Variants in FBXL18 observed in about 807,000 individuals in gnomAD.
FBXL18 encodes the protein F-box and leucine rich repeat protein 18.
A neutral mutation model predicts 46.0 loss-of-function variants in FBXL18; 36 were observed. That is an observed-to-expected ratio of 0.78 (90% confidence interval 0.60 to 1.03). The LOEUF is 1.03. Ranked by LOEUF, FBXL18 falls within the 50% of genes least tolerant of loss-of-function variation. FBXL18 has a pLI of 0.00. For synonymous variants in FBXL18, 557 were observed against 465.3 expected, an observed-to-expected ratio of 1.20 and a Z score of -2.54; for missense variants, 977 against 1,004.1, an observed-to-expected ratio of 0.97 and a Z score of 0.36.
intron 1 of FBXL18, among the ~76,000 whole-genome samples, chr7:5,511,867 C>T (rs1291120026): frequency 2.6e-5 from 4 of 152,072 alleles, no homozygotes; most frequent in Admixed American, 6.6e-5. Context: ...CACCTGTAAT[C>T]CCAGCAATTT....
chr7:5,491,093 G>T, intron 4 of FBXL18, 138 bp downstream of exon 4: 1 of 775,772 alleles, frequency 1.3e-6, no homozygotes, highest in Non-Finnish European at 2.1e-6. Flanking sequence ...CAAACCCCTT[G>T]CTTTCACCCT....
intron 4 of FBXL18, among the ~76,000 whole-genome samples, chr7:5,488,887 A>G (rs1462385252): frequency 6.6e-6 from 1 of 152,166 alleles, no homozygotes; most frequent in African/African-American, 2.4e-5. Flanking sequence ...CCTGTTCCCA[A>G]GCCCACTCGA....
intron 4 of FBXL18, among the ~76,000 whole-genome samples, chr7:5,456,658 A>C (rs892916376): frequency 1.3e-5 from 2 of 148,878 alleles, no homozygotes; most frequent in African/African-American, 4.9e-5. Flanking sequence ...AAAAAAAGGC[A>C]TGGAAAGGAG....
At position 5,461,915 on chromosome 7, in the gene FBXL18, TG is replaced by T. The variant is rs1783253410; in HGVS notation, c.2001-14073del. Among the ~76,000 whole-genome samples, 3 of 152,070 alleles carry T rather than the reference TG, an allele frequency of 2.0e-5. No individual in the cohort carries two copies. The South Asian group carries it at 6.2e-4, about 32-fold the overall frequency. On this transcript the variant is annotated intron_variant and NMD_transcript_variant, in intron 4 of 6. Transcript: ENST00000415009. ...GAGATCATGCCACTGCACTCCAGCC[TG>T]GGAGACAGTGCAAGACTCCGTCTCA...
At position 5,477,097 on chromosome 7, in the gene FBXL18, C is replaced by G. The variant is rs1369645962; in HGVS notation, c.*4678G>C. On this transcript the variant is annotated 3_prime_UTR_variant, in exon 5 of 5. Transcript: ENST00000382368. This position sits in a 1 kb window ranked among gnomAD's most constrained non-coding sequence, Gnocchi z 4.4. ...AGAGACGGGGTTTCACTGTGTTAGC[C>G]AGGACGGTCTCGATCTCCTGACCTC... is the stretch of plus-strand genomic sequence containing the variant. The G allele has an allele frequency of 6.6e-6, 1 of 151,890 alleles. No homozygotes were observed. Among genetic ancestry groups the G allele is most frequent in the Non-Finnish European group, 1.5e-5 (1 of 68,074 alleles). 9.4% of individuals were successfully genotyped at this position (151,890 alleles called of 1,614,324 possible).
In FBXL18 at chr7:5,481,891, G is replaced by C; in HGVS notation, c.2041C>G (p.Pro681Ala). The C allele has an allele frequency of 3.7e-6, 6 of 1,613,168 alleles. No homozygotes were observed. Among genetic ancestry groups the C allele is most frequent in the Non-Finnish European group, 5.1e-6 (6 of 1,179,672 alleles). ...TCGGTCAGGCCCTCGTGGAGCAGAG[G>C]GAAGATGACGACGTTTAACGCGGGC... is the stretch of plus-strand genomic sequence containing the variant. ...ERPALNVVIF[P>A]LLHEGLTDVI... is the part of the protein sequence containing the mutation. Residue 681 changes from proline (P) to alanine (A), a missense_variant, in exon 5 of 5, where the codon CCT becomes GCT. Pro to Ala is a conservative substitution (Grantham distance 27). Transcript: ENST00000382368.
intron 3 of FBXL18, among the ~76,000 whole-genome samples, chr7:5,498,025 T>C (rs1249614970): frequency 6.6e-6 from 1 of 151,974 alleles, no homozygotes; most frequent in Admixed American, 6.6e-5. Context: ...CTGGTAGTAC[T>C]GAGGCTCAAG....
rs988193811 is a variant in FBXL18 at position 5,496,062 on chromosome 7, G to C, written c.1781+4426C>G. 8 of 361,174 alleles carry C rather than the reference G, an allele frequency of 2.2e-5. No homozygotes were observed. Among genetic ancestry groups the C allele is most frequent in the African/African-American group, 1.7e-4 (8 of 46,638 alleles). The allele number at this position is 361,174 out of a possible 1,614,324, so 22.4% of individuals were successfully genotyped here. A position where few individuals can be genotyped will look rare whatever the true frequency, so the allele number is the denominator to read the frequency against. On this transcript the variant is annotated intron_variant, in intron 3 of 4. Transcript: ENST00000382368. The surrounding 1 kb of genome is among the most constrained non-coding windows in gnomAD (Gnocchi z 4.8). ...GAAGGCCCTTGGCCACGGGGATTCC[G>C]TCCCAGACTCCGGAGGCCATCGGGG...
chr7:5,455,272 C>T lies in FBXL18; in HGVS notation c.2001-7429G>A, dbSNP rs552228215. Reference sequence around the variant, plus strand: ...GGGGAACATATCTGGGGAGCAGTATCGGGAGCACCTGCAGGGAGTATTCTC... The same window carrying T: ...GGGGAACATATCTGGGGAGCAGTATTGGGAGCACCTGCAGGGAGTATTCTC... On this transcript the variant is annotated intron_variant and NMD_transcript_variant, in intron 4 of 6. Coordinates refer to the FBXL18 transcript ENST00000415009. This position sits in a 1 kb window ranked among gnomAD's most constrained non-coding sequence, Gnocchi z 4.6. Among the ~76,000 whole-genome samples, 9 of 152,018 alleles carry T rather than the reference C, an allele frequency of 5.9e-5. No homozygotes were observed. The highest frequency in any genetic ancestry group is 8.8e-5 in the Non-Finnish European group (6 of 67,940).
At chr7:5,463,218 C>A (rs1387972641) in intron 4 of FBXL18, among the ~76,000 whole-genome samples, 2 of 151,334 alleles carry the variant, frequency 1.3e-5, no homozygotes, top group Non-Finnish European at 2.9e-5. Flanking sequence ...TAAAATGGTG[C>A]AGCTGCTGAG....
At chr7:5,475,189 G>GCA (rs1783489855), downstream of FBXL18, among the ~76,000 whole-genome samples, 5 of 151,782 alleles carry the variant, frequency 3.3e-5, no homozygotes, top group Non-Finnish European at 5.9e-5. This position sits in a 1 kb window ranked among gnomAD's most constrained non-coding sequence, Gnocchi z 4.2. Flanking sequence ...GGGCGTGGTG[G>GCA]TGGGTGCCTG....
chr7:5,494,157 A>G (rs1784010351), intron 3 of FBXL18, among the ~76,000 whole-genome samples: 1 of 152,102 alleles, frequency 6.6e-6, no homozygotes, highest in Non-Finnish European at 1.5e-5. Context: ...CTGTAATCCC[A>G]GCTACTCGGG....
At position 5,501,910 on chromosome 7, in the gene FBXL18, C is replaced by A; in HGVS notation, c.359G>T (p.Ser120Ile). The A allele has an allele frequency of 6.2e-7, 1 of 1,602,562 alleles. No homozygotes were observed. The highest frequency in any genetic ancestry group is 8.5e-7 in the Non-Finnish European group (1 of 1,175,846). ...STVEHVARCR[S>I]LVKVNLSGCH... ...GCCCGAGAGGTTCACCTTCACCAGG[C>A]TGCGGCAGCGGGCCACGTGTTCCAC... Residue 120 changes from serine (S) to isoleucine (I), a missense_variant, in exon 3 of 5, where the codon AGC becomes ATC. Ser to Ile is a moderately radical substitution (Grantham distance 142, BLOSUM62 -2). Transcript: ENST00000382368.
chr7:5,501,211 C>T lies in FBXL18; in HGVS notation c.1058G>A (p.Cys353Tyr). 1 of 1,613,194 alleles carries T rather than the reference C, an allele frequency of 6.2e-7. No individual in the cohort carries two copies. The highest frequency in any genetic ancestry group is 8.5e-7 in the Non-Finnish European group (1 of 1,179,670). Residue 353 changes from cysteine to tyrosine, a missense_variant, in exon 3 of 5, where the codon TGC becomes TAC. Transcript: ENST00000382368. ...RSLASLNLSG[C>Y]VHCLSPDSLL... ...CGAGTCTGGGGACAGGCAGTGGACG[C>T]AGCCGCTGAGGTTCAAGCTGGCCAG...
In FBXL18 at chr7:5,500,677, G is replaced by T. The variant is rs756268137; in HGVS notation, c.1592C>A (p.Ala531Asp). ...DSEVAAIGQL[A>D]FLRHLTLAQL... ...TGCGAGCGTCAGGTGCCGCAGGAAG[G>T]CCAGCTGGCCGATGGCGGCCACCTC... The change falls in exon 3 of 5, where the codon GCC becomes GAC. Residue 531 changes from alanine (A) to aspartate (D), a missense_variant. Transcript: ENST00000382368. 1 of 1,610,886 alleles carries T rather than the reference G, an allele frequency of 6.2e-7. No homozygotes were observed.
intron 4 of FBXL18, among the ~76,000 whole-genome samples, chr7:5,484,503 C>T (rs1334069850): frequency 6.7e-6 from 1 of 148,676 alleles, no homozygotes; most frequent in African/African-American, 2.5e-5. Flanking sequence ...GCTGTCGGGA[C>T]ATGGAAGGTG....
rs533875252 is a variant in FBXL18 at position 5,478,571 on chromosome 7, G to T, written c.*3204C>A. The T allele has an allele frequency of 2.0e-5, 3 of 152,546 alleles. No individual in the cohort carries two copies. The South Asian group carries it at 6.2e-4, about 31-fold the overall frequency. The allele number at this position is 152,546 out of a possible 1,614,324, so 9.4% of individuals were successfully genotyped here. The stretch of plus-strand genomic sequence containing the variant: ...GGTGAGCTGGGAGCACAGGCAGGAG[G>T]GGGCAGCCAGAGAGGTTGGGGCTCT... On this transcript the variant is annotated 3_prime_UTR_variant, in exon 5 of 5. Transcript: ENST00000382368.
At chr7:5,483,390 G>A (rs1352285697) in intron 4 of FBXL18, among the ~76,000 whole-genome samples, 5 of 150,710 alleles carry the variant, frequency 3.3e-5, no homozygotes, top group South Asian at 4.2e-4. Context: ...CCAGTGAGCC[G>A]AGATCGTGCC....
downstream of FBXL18, among the ~76,000 whole-genome samples, chr7:5,471,003 C>T (rs529041468): frequency 4.6e-5 from 7 of 152,264 alleles, no homozygotes; most frequent in Admixed American, 3.9e-4. Context: ...GCATCTCACC[C>T]GGGCTCTGTG....
Sources: allele counts gnomAD v4.1 joint callset (sites outside exome capture counted in the v4.1 genomes callset), GRCh38; gene constraint gnomAD v4.1.1; non-coding constraint Gnocchi (gnomAD v3.1); transcripts MANE v1.5; gene names NCBI Gene and HGNC (gene_info 2026-07-23, HGNC 2026-07-21).